Variants in STK3 observed in about 807,000 individuals in gnomAD.
STK3 encodes serine/threonine kinase 3, also known as serine/threonine-protein kinase 3.
A neutral mutation model predicts 58.0 loss-of-function variants in STK3; 41 were observed. That is an observed-to-expected ratio of 0.71 (90% CI 0.55 to 0.92). STK3 has a LOEUF of 0.92. Among genes scored for constraint, STK3 ranks in the 40% least tolerant of loss-of-function variants. The pLI, the probability that STK3 is intolerant of heterozygous loss-of-function variation, is 0.00. For synonymous variants in STK3, 170 were observed against 191.0 expected (o/e 0.89, Z 0.91); for missense variants, 479 against 602.7 (o/e 0.79, Z 2.15).
intron 1 of STK3, among the ~76,000 whole-genome samples, chr8:98,801,590 C>T (rs146085010): frequency 0.022 from 3,362 of 152,028 alleles, 59 homozygotes; most frequent in East Asian, 0.085. Flanking sequence ...GTCACCGCAA[C>T]GGTCTGTAGC....
intron 10 of STK3, among the ~76,000 whole-genome samples, chr8:98,520,242 A>G (rs553503216): frequency 2.0e-5 from 3 of 152,204 alleles, no homozygotes; most frequent in Non-Finnish European, 4.4e-5. Context: ...AGGGTTAAAA[A>G]TAATTCAATT....
At position 98,911,183 on chromosome 8, in the gene STK3, G is replaced by T. The variant is rs542972308; in HGVS notation, c.-78-27349C>A. On this transcript the variant is annotated intron_variant, in intron 1 of 1. Transcript: ENST00000519420. ...ACTCTAGTTCTTTTCACAATGAGCG[G>T]ATTGGTCGTTCTCAACAAATTATTG... is the stretch of plus-strand genomic sequence containing the variant. Among the ~76,000 whole-genome samples the T allele has an allele frequency of 8.5e-5, 13 of 152,288 alleles. 1 individual carries two copies. The South Asian group carries it at 2.5e-3, about 29-fold the overall frequency.
chr8:98,613,886 GCAGAAGTGGCTATATTA>G (rs1408346042), intron 6 of STK3, among the ~76,000 whole-genome samples: 2 of 151,916 alleles, frequency 1.3e-5, no homozygotes, highest in Non-Finnish European at 2.9e-5. Context: ...TCAAACCAAA[GCAGAAGTGGCTATATTA>G]ATAACAGATA....
intron 4 of STK3, among the ~76,000 whole-genome samples, chr8:98,748,449 A>T (rs1829774901): frequency 6.6e-6 from 1 of 152,148 alleles, no homozygotes; most frequent in Admixed American, 6.5e-5. Flanking sequence ...AGTAAAATAA[A>T]CTTACAGTGT....
chr8:98,436,721 G>T (rs537357944), intron 2 of STK3: 2 of 152,252 alleles, frequency 1.3e-5, no homozygotes, highest in African/African-American at 4.8e-5. Flanking sequence ...GTAGATTTCT[G>T]GGCATCACCC....
intron 1 of STK3, chr8:98,438,614 G>A (rs1586569516): frequency 6.6e-6 from 1 of 152,360 alleles, no homozygotes; most frequent in Admixed American, 6.5e-5. Context: ...AGCCCCTCAG[G>A]AGCAGGTTTG....
intron 1 of STK3, among the ~76,000 whole-genome samples, chr8:98,386,959 A>G (rs1359502850): frequency 6.6e-6 from 1 of 152,252 alleles, no homozygotes. Context: ...CCCTGTCTCA[A>G]AAACGAACAA....
At chr8:98,731,515 C>G (rs778636641) in intron 4 of STK3, among the ~76,000 whole-genome samples, 2 of 152,052 alleles carry the variant, frequency 1.3e-5, no homozygotes, top group Non-Finnish European at 2.9e-5. Context: ...GTCAGGAGAT[C>G]AAGACCATCC....
the STK3 span, among the ~76,000 whole-genome samples, chr8:98,361,825 A>T: frequency 2.6e-5 from 4 of 152,354 alleles, no homozygotes; most frequent in East Asian, 7.7e-4. Flanking sequence ...CTGCAGGGAC[A>T]GGCCTTCAAC....
intron 3 of STK3, among the ~76,000 whole-genome samples, chr8:98,394,718 A>T (rs1817882272): frequency 6.6e-6 from 1 of 152,262 alleles, no homozygotes; most frequent in African/African-American, 2.4e-5. Flanking sequence ...TTTATCACAT[A>T]TTCTTTGTAC....
At chr8:98,602,401 C>G (rs1295510893) in intron 6 of STK3, 2 of 152,198 alleles carry the variant, frequency 1.3e-5, no homozygotes, top group African/African-American at 4.8e-5. Flanking sequence ...ATAGAAGGTG[C>G]CTTCTATGAG....
intron 3 of STK3, among the ~76,000 whole-genome samples, chr8:98,839,919 C>T (rs754912173): frequency 6.6e-6 from 1 of 151,750 alleles, no homozygotes; most frequent in African/African-American, 2.4e-5. Flanking sequence ...AAAATACCGT[C>T]GACAAAGAAC....
chr8:98,707,117 G>C (rs758621172), intron 5 of STK3, 30 bp downstream of exon 5: 6 of 1,577,734 alleles, frequency 3.8e-6, no homozygotes, highest in Non-Finnish European at 4.3e-6. Context: ...AATTAGCCAA[G>C]TGTTTAGAAA....
At chr8:98,763,005 T>G (rs1830728330) in intron 3 of STK3, among the ~76,000 whole-genome samples, 1 of 152,230 alleles carries the variant, frequency 6.6e-6, no homozygotes, top group Non-Finnish European at 1.5e-5. Context: ...TCTGCAAAAT[T>G]GTTTTTAAAT....
chr8:98,736,527 T>C (rs1828611431), intron 4 of STK3, among the ~76,000 whole-genome samples: 1 of 152,210 alleles, frequency 6.6e-6, no homozygotes, highest in Non-Finnish European at 1.5e-5. Context: ...AACTTAAATG[T>C]TTTATTTAAA....
rs560658607 is a variant in STK3 at position 98,653,208 on chromosome 8, T to G, written c.684+53259A>C. Among the ~76,000 whole-genome samples the G allele has an allele frequency of 9.3e-3, 1,410 of 152,240 alleles. 17 individuals are homozygous for G. Among genetic ancestry groups the G allele is most frequent in the African/African-American group, 0.032 (1,333 of 41,534 alleles). On this transcript the variant is annotated intron_variant, in intron 6 of 10. Transcript: ENST00000419617. ...CAAAACCGCTCAACTACATGGAAAC[T>G]GAACAACCTGCTCCTGAATGACTAC... is the stretch of plus-strand genomic sequence containing the variant.
chr8:98,367,883 T>C (rs1361095375), downstream of STK3, among the ~76,000 whole-genome samples: 1 of 152,192 alleles, frequency 6.6e-6, no homozygotes, highest in Non-Finnish European at 1.5e-5. Context: ...CTAATTAAAG[T>C]TTTCATAGGA....
At position 98,386,609 on chromosome 8, in the gene STK3, G is replaced by T. The variant is rs546349519; in HGVS notation, n.56+1583C>A. Among the ~76,000 whole-genome samples, 7 of 152,280 alleles carry T rather than the reference G, an allele frequency of 4.6e-5. No homozygotes were observed. In the East Asian group the frequency reaches 9.6e-4, roughly 21 times the overall value. ...TAGTGGTTATATATAAAGGAAGTAG[G>T]AAATAAAACAGAAAAGCCAGGGATG... is the stretch of plus-strand genomic sequence containing the variant. On this transcript the variant is annotated intron_variant and non_coding_transcript_variant, in intron 1 of 2. Coordinates refer to the STK3 transcript ENST00000518704.
At chr8:98,381,569 TGGGAAACCACAGGG>T (rs1216301000) in intron 1 of STK3, among the ~76,000 whole-genome samples, 2 of 152,194 alleles carry the variant, frequency 1.3e-5, no homozygotes, top group Non-Finnish European at 2.9e-5. Context: ...AAAAGCCTGG[TGGGAAACCACAGGG>T]TTGGGAGTCA....
Sources: gnomAD v4.1 joint callset for allele counts (sites outside exome capture counted in the v4.1 genomes callset) on GRCh38, gnomAD v4.1.1 for gene constraint, MANE v1.5 for transcripts, NCBI Gene and HGNC (gene_info 2026-07-23, HGNC 2026-07-21) for gene names.